Variants in ADARB1 observed in about 807,000 individuals in gnomAD.
The protein encoded by ADARB1 is double-stranded RNA-specific editase 1.
Under a neutral mutation model 52.4 loss-of-function variants are expected in ADARB1, and 10 were observed. That is an observed-to-expected ratio of 0.19 (90% CI 0.12 to 0.32). The LOEUF is 0.32. ADARB1 is among the 10% of genes least tolerant of loss of function. The pLI, the probability that ADARB1 is intolerant of heterozygous loss-of-function variation, is 1.00. For missense variants in ADARB1, 643 were observed against 922.3 expected (o/e 0.70, Z 3.92); for synonymous variants, 349 against 371.1 (o/e 0.94, Z 0.68).
intron 1 of ADARB1, among the ~76,000 whole-genome samples, chr21:45,088,231 A>G (rs1243325552): frequency 6.6e-6 from 1 of 152,226 alleles, no homozygotes; most frequent in Admixed American, 6.5e-5. Context: ...ACCTCCAGCA[A>G]CAGGGAGCAC....
chr21:45,136,754 C>T (rs535511495), intron 2 of ADARB1, among the ~76,000 whole-genome samples: 7 of 152,354 alleles, frequency 4.6e-5, no homozygotes, highest in South Asian at 2.1e-4. Flanking sequence ...TTGGTGTGTG[C>T]GCTGCAGGGA....
At chr21:45,109,254 C>T (rs1304562870) in intron 1 of ADARB1, among the ~76,000 whole-genome samples, 8 of 105,936 alleles carry the variant, frequency 7.6e-5, no homozygotes, top group African/African-American at 1.1e-4. Context: ...CGCGCGTGTG[C>T]GTATGTGTGT....
At chr21:45,166,590 T>C (rs1361320823) in intron 2 of ADARB1, among the ~76,000 whole-genome samples, 1 of 152,226 alleles carries the variant, frequency 6.6e-6, no homozygotes, top group Non-Finnish European at 1.5e-5. Context: ...GCACTGAGGC[T>C]CTTTATTTCT....
intron 8 of ADARB1, among the ~76,000 whole-genome samples, chr21:45,186,593 T>A (rs920621943): frequency 6.6e-6 from 1 of 152,254 alleles, no homozygotes; most frequent in Non-Finnish European, 1.5e-5. Flanking sequence ...AATTTTTATT[T>A]CTCTTTATCA....
intron 2 of ADARB1, among the ~76,000 whole-genome samples, chr21:45,163,099 G>A (rs2091064613): frequency 6.6e-6 from 1 of 152,236 alleles, no homozygotes; most frequent in East Asian, 1.9e-4. Context: ...CTTAGAAGAG[G>A]ATGCTAATAG....
chr21:45,084,322 C>T (rs1461227150), intron 1 of ADARB1, among the ~76,000 whole-genome samples: 4 of 152,332 alleles, frequency 2.6e-5, no homozygotes, highest in East Asian at 1.9e-4. Flanking sequence ...CCATGGCTGC[C>T]GAGGCTCACG....
chr21:45,090,449 G>A (rs1381719494), intron 1 of ADARB1, among the ~76,000 whole-genome samples: 1 of 152,136 alleles, frequency 6.6e-6, no homozygotes, highest in Non-Finnish European at 1.5e-5. Flanking sequence ...GAGTGGGAGT[G>A]TATGGAAACC....
rs143187977 is a variant in ADARB1 at position 45,091,030 on chromosome 21, A to T, written c.-220+16237A>T. On this transcript the variant is annotated intron_variant, in intron 1 of 10. Transcript: ENST00000348831. ...TATTCATGAAGTTCATCAACTTCATATAAACTGACATTTTTCATTCATGTG... is the reference window on the plus strand; with the variant it reads ...TATTCATGAAGTTCATCAACTTCATTTAAACTGACATTTTTCATTCATGTG... Among the ~76,000 whole-genome samples, 476 of 152,392 alleles carry T rather than the reference A, an allele frequency of 3.1e-3. 4 individuals are homozygous for T. The highest frequency in any genetic ancestry group is 0.014 in the Middle Eastern group (4 of 294).
chr21:45,119,861 G>T (rs557330159), intron 1 of ADARB1, among the ~76,000 whole-genome samples: 1 of 152,126 alleles, frequency 6.6e-6, no homozygotes, highest in African/African-American at 2.4e-5. Context: ...ATGAGAAAAT[G>T]GACATCGAAA....
intron 1 of ADARB1, among the ~76,000 whole-genome samples, chr21:45,123,799 A>G (rs1468359063): frequency 1.3e-5 from 2 of 149,850 alleles, no homozygotes; most frequent in Non-Finnish European, 3.0e-5. Flanking sequence ...TGGGGTTTCC[A>G]TGTGTTGCCT....
intron 2 of ADARB1, among the ~76,000 whole-genome samples, chr21:45,160,351 G>A (rs2090900762): frequency 6.6e-6 from 1 of 152,244 alleles, no homozygotes. Context: ...GTCTCTTTCT[G>A]TTTGGTTGTT....
intron 8 of ADARB1, among the ~76,000 whole-genome samples, chr21:45,202,962 T>C (rs1342913042): frequency 4.3e-4 from 43 of 100,304 alleles, no homozygotes; most frequent in East Asian, 9.3e-4. Context: ...GCGTCTTCCC[T>C]TGCAGCCTGT....
At chr21:45,075,667 T>C (rs2085902447) in intron 1 of ADARB1, among the ~76,000 whole-genome samples, 1 of 152,204 alleles carries the variant, frequency 6.6e-6, no homozygotes, top group Admixed American at 6.5e-5. Context: ...GATTGGGCTG[T>C]GGACGCTGAA....
intron 1 of ADARB1, among the ~76,000 whole-genome samples, chr21:45,093,338 A>G (rs1357491132): frequency 6.6e-6 from 1 of 152,116 alleles, no homozygotes; most frequent in Non-Finnish European, 1.5e-5. Flanking sequence ...CTTTTCTCAC[A>G]ACTCCAGGCG....
rs551051564 is a variant in ADARB1 at position 45,114,831 on chromosome 21, C to T, written c.-219-13571C>T. On this transcript the variant is annotated intron_variant, in intron 1 of 10. Coordinates refer to ENST00000348831, the MANE Select transcript of ADARB1 (RefSeq NM_001112.4). ...ACTAACCTTCTCCTGCCAGAGGGAACGCTTGAGATGCTGCAGGGTGACAGT... is the reference window on the plus strand; with the variant it reads ...ACTAACCTTCTCCTGCCAGAGGGAATGCTTGAGATGCTGCAGGGTGACAGT... Among the ~76,000 whole-genome samples, 37 of 152,356 alleles carry T rather than the reference C, an allele frequency of 2.4e-4. 1 individual carries two copies. The South Asian group carries it at 5.8e-3, about 24-fold the overall frequency.
intron 2 of ADARB1, among the ~76,000 whole-genome samples, chr21:45,136,137 C>T (rs909705125): frequency 2.6e-5 from 4 of 152,044 alleles, no homozygotes; most frequent in African/African-American, 7.2e-5. Context: ...CCACGAACTC[C>T]CTCCCCTTCT....
chr21:45,154,024 CTAAT>C (rs2090435396), intron 2 of ADARB1, among the ~76,000 whole-genome samples: 1 of 152,200 alleles, frequency 6.6e-6, no homozygotes, highest in African/African-American at 2.4e-5. Context: ...ACACTCATCA[CTAAT>C]TATTTAAGTT....
intron 2 of ADARB1, among the ~76,000 whole-genome samples, chr21:45,147,529 C>T (rs2090065860): frequency 6.6e-6 from 1 of 152,174 alleles, no homozygotes; most frequent in Non-Finnish European, 1.5e-5. Context: ...AACTGTAAAA[C>T]GTGCTACCTT....
At chr21:45,155,560 C>G (rs1221815921) in intron 2 of ADARB1, among the ~76,000 whole-genome samples, 1 of 152,024 alleles carries the variant, frequency 6.6e-6, no homozygotes, top group Admixed American at 6.5e-5. Flanking sequence ...TCTGTTCACT[C>G]ATTTACCCAT....
Sources: allele counts gnomAD v4.1 joint callset (sites outside exome capture counted in the v4.1 genomes callset), GRCh38; gene constraint gnomAD v4.1.1; transcripts MANE v1.5; gene names NCBI Gene and HGNC (gene_info 2026-07-23, HGNC 2026-07-21).